Variants in PLCB4 observed in about 807,000 individuals in gnomAD.
The protein encoded by PLCB4 is phospholipase C beta 4, also known as 1-phosphatidylinositol 4,5-bisphosphate phosphodiesterase beta-4.
In PLCB4, 77 loss-of-function variants were observed where a neutral mutation model predicts 178.8. The ratio of observed to expected loss-of-function variants is 0.43; its 90% confidence interval spans 0.36 to 0.52. PLCB4 has a LOEUF of 0.52. Among genes scored for constraint, PLCB4 ranks in the 20% least tolerant of loss-of-function variants. The probability of loss-of-function intolerance (pLI) is 0.00; values close to 1 mark genes in which losing one functional copy is unlikely to be tolerated. For missense variants in PLCB4, 1,024 were observed against 1,453.4 expected (o/e 0.70, Z 4.80); for synonymous variants, 496 against 490.8 (o/e 1.01, Z -0.14).
intron 39 of PLCB4, among the ~76,000 whole-genome samples, chr20:9,478,355 A>G (rs150102428): frequency 0.023 from 3,475 of 152,254 alleles, 62 homozygotes; most frequent in Middle Eastern, 0.031. Flanking sequence ...GAAAGCCTGC[A>G]TGTTCCTGTA....
chr20:9,106,178 A>T (rs918125272), intron 2 of PLCB4, among the ~76,000 whole-genome samples: 2 of 152,066 alleles, frequency 1.3e-5, no homozygotes, highest in East Asian at 1.9e-4. Flanking sequence ...GCCGTCAAAC[A>T]TATAAAAAGA....
chr20:9,410,084 G>A (rs1052343932), intron 24 of PLCB4, among the ~76,000 whole-genome samples: 5 of 152,214 alleles, frequency 3.3e-5, no homozygotes, highest in East Asian at 1.9e-4. Flanking sequence ...CTGTCACTTC[G>A]TTCCCTGCTA....
At chr20:9,107,493 G>A (rs758919227) in intron 2 of PLCB4, among the ~76,000 whole-genome samples, 27 of 152,080 alleles carry the variant, frequency 1.8e-4, no homozygotes, top group Non-Finnish European at 3.4e-4. Flanking sequence ...GCTAAGGAAG[G>A]ATTACATGTC....
chr20:9,088,749 T>A (rs1243010920), intron 1 of PLCB4, among the ~76,000 whole-genome samples: 1 of 152,190 alleles, frequency 6.6e-6, no homozygotes, highest in Admixed American at 6.6e-5. Context: ...GTCAAACTAG[T>A]TGGTCAGGTT....
chr20:9,129,659 C>T (rs2092223244), intron 2 of PLCB4, among the ~76,000 whole-genome samples: 1 of 152,130 alleles, frequency 6.6e-6, no homozygotes. Flanking sequence ...GTGGTGGATT[C>T]TTAGTTGGGG....
At chr20:9,188,144 A>G (rs770395812) in intron 2 of PLCB4, among the ~76,000 whole-genome samples, 1 of 152,252 alleles carries the variant, frequency 6.6e-6, no homozygotes, top group Non-Finnish European at 1.5e-5. Context: ...AGACAGATGA[A>G]CAAAAAATAA....
At chr20:9,449,010 T>A (rs2042585482) in intron 32 of PLCB4, among the ~76,000 whole-genome samples, 1 of 152,160 alleles carries the variant, frequency 6.6e-6, no homozygotes, top group Non-Finnish European at 1.5e-5. Context: ...AAAATGTCTA[T>A]TTTTGGAAAA....
chr20:9,471,424 T>A (rs2044183234), intron 36 of PLCB4, among the ~76,000 whole-genome samples: 1 of 152,020 alleles, frequency 6.6e-6, no homozygotes, highest in South Asian at 2.1e-4. Flanking sequence ...AAAGCACGAA[T>A]TAGTGATGTT....
At chr20:9,447,571 C>T (rs1179736164) in intron 32 of PLCB4, among the ~76,000 whole-genome samples, 1 of 152,188 alleles carries the variant, frequency 6.6e-6, no homozygotes, top group African/African-American at 2.4e-5. Flanking sequence ...TAAGTCTGGC[C>T]TTATGAGGTC....
chr20:9,186,408 T>C (rs1383608462), intron 2 of PLCB4, among the ~76,000 whole-genome samples: 2 of 152,320 alleles, frequency 1.3e-5, no homozygotes, highest in South Asian at 2.1e-4. Context: ...GGTTTTTAAT[T>C]GGCACGAGGC....
intron 4 of PLCB4, among the ~76,000 whole-genome samples, chr20:9,312,554 A>G (rs1303861391): frequency 1.3e-5 from 2 of 152,118 alleles, no homozygotes; most frequent in Non-Finnish European, 2.9e-5. Flanking sequence ...TCTGAAATCA[A>G]ATTGTGAGCA....
At chr20:9,315,602 A>G (rs1200210252) in intron 4 of PLCB4, among the ~76,000 whole-genome samples, 1 of 152,138 alleles carries the variant, frequency 6.6e-6, no homozygotes, top group Non-Finnish European at 1.5e-5. Flanking sequence ...GGCCCTATTC[A>G]GGAGGTGGCA....
intron 9 of PLCB4, among the ~76,000 whole-genome samples, chr20:9,366,798 ACTCT>A (rs2035822997): frequency 6.6e-6 from 1 of 152,096 alleles, no homozygotes; most frequent in South Asian, 2.1e-4. Flanking sequence ...CCAGATGCCA[ACTCT>A]CTCTTCCAGG....
At chr20:9,315,166 G>A (rs968311636) in intron 4 of PLCB4, among the ~76,000 whole-genome samples, 6 of 152,154 alleles carry the variant, frequency 3.9e-5, no homozygotes, top group East Asian at 1.9e-4. Context: ...GGGTAAGATC[G>A]TAAATGTGTA....
chr20:9,179,526 A>C (rs1485408705), intron 2 of PLCB4, among the ~76,000 whole-genome samples: 2 of 152,204 alleles, frequency 1.3e-5, no homozygotes, highest in Non-Finnish European at 2.9e-5. Context: ...TGATCTACAG[A>C]ACTGTAAGAT....
chr20:9,132,382 T>C (rs993227295), intron 2 of PLCB4, among the ~76,000 whole-genome samples: 5 of 152,140 alleles, frequency 3.3e-5, no homozygotes. Context: ...TCCACATAGT[T>C]ATACTTAAGG....
In PLCB4 at chr20:9,365,528, C is replaced by T; in HGVS notation, c.503+14C>T. 6.4e-7 allele frequency: 1 copy of T among 1,553,412 alleles called. No individual in the cohort carries two copies. Among genetic ancestry groups the T allele is most frequent in the Non-Finnish European group, 8.9e-7 (1 of 1,125,612 alleles). On this transcript the variant is annotated intron_variant, in intron 9 of 39. Transcript: ENST00000378473. The stretch of plus-strand genomic sequence containing the variant: ...TCCAGTTAGGAGGTAAGTAATCATT[C>T]CTATCTGCTGTCCGTGTCCCGGGTC...
intron 3 of PLCB4, among the ~76,000 whole-genome samples, chr20:9,222,614 A>G (rs1415240055): frequency 6.6e-6 from 1 of 152,242 alleles, no homozygotes; most frequent in East Asian, 1.9e-4. Context: ...TTAGTTACAT[A>G]TTTAACTTAG....
chr20:9,148,252 A>C (rs2092632744), intron 2 of PLCB4, among the ~76,000 whole-genome samples: 1 of 152,256 alleles, frequency 6.6e-6, no homozygotes, highest in South Asian at 2.1e-4. Context: ...TCTCAAGCCA[A>C]TTGAGTTTTA....
Sources: gnomAD v4.1 joint callset for allele counts (sites outside exome capture counted in the v4.1 genomes callset) on GRCh38, gnomAD v4.1.1 for gene constraint, MANE v1.5 for transcripts, NCBI Gene and HGNC (gene_info 2026-07-23, HGNC 2026-07-21) for gene names.